Variants in DAB1 observed in about 807,000 individuals in gnomAD.
DAB1 encodes disabled homolog 1.
In DAB1, 15 loss-of-function variants were observed where a neutral mutation model predicts 64.6. The ratio of observed to expected loss-of-function variants is 0.23; its 90% CI spans 0.16 to 0.36. The LOEUF is 0.36. DAB1 is among the 10% of genes least tolerant of loss of function. DAB1 has a pLI of 1.00. For missense variants in DAB1, 596 were observed against 706.7 expected, an observed-to-expected ratio of 0.84 and a Z score of 1.78; for synonymous variants, 235 against 251.9, an observed-to-expected ratio of 0.93 and a Z score of 0.64.
chr1:58,185,723 G>A (rs1226444011), intron 4 of DAB1, among the ~76,000 whole-genome samples: 2 of 152,136 alleles, frequency 1.3e-5, no homozygotes, highest in African/African-American at 4.8e-5. Context: ...TGTCACCTAT[G>A]CCTAGATAGG....
chr1:57,656,644 T>G (rs894954420), intron 6 of DAB1, among the ~76,000 whole-genome samples: 2 of 152,216 alleles, frequency 1.3e-5, no homozygotes, highest in African/African-American at 4.8e-5. Context: ...AAGCTGTTCA[T>G]AGGTACTACA....
At chr1:58,457,808 C>G (rs1299233085) in intron 3 of DAB1, among the ~76,000 whole-genome samples, 1 of 152,132 alleles carries the variant, frequency 6.6e-6, no homozygotes, top group East Asian at 1.9e-4. Context: ...CTGTCCAATT[C>G]CTGGTGCTCA....
intron 5 of DAB1, among the ~76,000 whole-genome samples, chr1:58,118,691 C>T (rs1363732895): frequency 2.1e-5 from 3 of 146,114 alleles, no homozygotes; most frequent in Non-Finnish European, 3.0e-5. Flanking sequence ...TATATATATC[C>T]TCATAAACTC....
intron 6 of DAB1, among the ~76,000 whole-genome samples, chr1:57,725,394 T>C (rs910053950): frequency 1.3e-5 from 2 of 152,198 alleles, no homozygotes; most frequent in East Asian, 1.9e-4. Flanking sequence ...TGATGGTGTA[T>C]ACTCTGCTCA....
intron 1 of DAB1, among the ~76,000 whole-genome samples, chr1:57,299,857 T>A (rs947867690): frequency 1.3e-5 from 2 of 152,192 alleles, no homozygotes. Flanking sequence ...AATTTCTTCA[T>A]CTGTAAAATG....
chr1:57,944,147 C>T (rs1645146600), intron 5 of DAB1, among the ~76,000 whole-genome samples: 1 of 152,154 alleles, frequency 6.6e-6, no homozygotes, highest in African/African-American at 2.4e-5. Flanking sequence ...CTGGCTCCAC[C>T]AGTCTCACAT....
chr1:58,129,055 T>C (rs1653336941), intron 5 of DAB1, among the ~76,000 whole-genome samples: 1 of 144,320 alleles, frequency 6.9e-6, no homozygotes, highest in Non-Finnish European at 1.5e-5. Flanking sequence ...CTTGTACCTC[T>C]GGTAGAATTC....
At chr1:57,222,197 GAACCCAAGGGCAT>G (rs1211823922) in intron 2 of DAB1, among the ~76,000 whole-genome samples, 1 of 152,100 alleles carries the variant, frequency 6.6e-6, no homozygotes, top group Non-Finnish European at 1.5e-5. Context: ...AGCTACAATG[GAACCCAAGGGCAT>G]AGTCTGTCCT....
intron 7 of DAB1, among the ~76,000 whole-genome samples, chr1:57,445,158 A>G (rs1031689039): frequency 5.3e-5 from 8 of 152,160 alleles, no homozygotes; most frequent in Admixed American, 5.2e-4. Flanking sequence ...TCTTATACTG[A>G]AAATTATTTA....
rs112526692 is a variant in DAB1, at chr1:57,400,229, G to A, written c.-137+23701C>T. Among the ~76,000 whole-genome samples, 1,080 of 152,152 alleles carry A rather than the reference G, an allele frequency of 7.1e-3. 9 individuals carry two copies. Among genetic ancestry groups the A allele is most frequent in the Non-Finnish European group, 0.011 (752 of 68,004 alleles). ...CAAGTCCATGCAAGAAACATACAGC[G>A]CATTCATATTGCAGCATTGATTTTT... On this transcript the variant is annotated intron_variant, in intron 1 of 14. Coordinates refer to ENST00000371236, the MANE Select transcript of DAB1 (RefSeq NM_001365792.1).
At chr1:57,343,101 T>C (rs1266895086) in intron 1 of DAB1, among the ~76,000 whole-genome samples, 2 of 152,024 alleles carry the variant, frequency 1.3e-5, no homozygotes, top group Non-Finnish European at 2.9e-5. Flanking sequence ...GGGCGCTGAT[T>C]GGTGCATTTA....
At chr1:57,878,130 T>G (rs1644083076) in intron 1 of DAB1, among the ~76,000 whole-genome samples, 1 of 149,100 alleles carries the variant, frequency 6.7e-6, no homozygotes, top group South Asian at 2.1e-4. Flanking sequence ...ACATGAAAAA[T>G]TCTTTAGAAA....
intron 3 of DAB1, among the ~76,000 whole-genome samples, chr1:58,392,409 T>G (rs1305533489): frequency 6.6e-6 from 1 of 152,176 alleles, no homozygotes; most frequent in Non-Finnish European, 1.5e-5. Context: ...TGACGTAGTA[T>G]AAAGCCACCA....
chr1:58,245,899 G>A (rs1053373134), intron 4 of DAB1, among the ~76,000 whole-genome samples: 3 of 152,100 alleles, frequency 2.0e-5, no homozygotes, highest in Non-Finnish European at 4.4e-5. Context: ...TGCACATACA[G>A]TATCGTATAA....
chr1:58,385,766 GCTTCTCAGTCCTGAAC>G (rs1557746040), intron 3 of DAB1, among the ~76,000 whole-genome samples: 1 of 152,198 alleles, frequency 6.6e-6, no homozygotes, highest in Non-Finnish European at 1.5e-5. Flanking sequence ...AGACCCTTCT[GCTTCTCAGTCCTGAAC>G]CAATTGAAAA....
chr1:57,251,052 A>T (rs1669299167), intron 2 of DAB1, among the ~76,000 whole-genome samples: 1 of 152,210 alleles, frequency 6.6e-6, no homozygotes, highest in South Asian at 2.1e-4. Context: ...GAAAGAACAA[A>T]ATGTGGTATT....
chr1:57,691,654 A>G (rs1376531283), intron 6 of DAB1, among the ~76,000 whole-genome samples: 1 of 152,034 alleles, frequency 6.6e-6, no homozygotes, highest in Non-Finnish European at 1.5e-5. Context: ...GGACACATCT[A>G]AAGGAACAAA....
At chr1:57,609,038 C>A (rs1645693734) in intron 7 of DAB1, among the ~76,000 whole-genome samples, 1 of 152,194 alleles carries the variant, frequency 6.6e-6, no homozygotes, top group Non-Finnish European at 1.5e-5. Flanking sequence ...GTGCCTTACA[C>A]TCCCCAGTTT....
At chr1:57,212,909 G>A (rs1162000098) in intron 2 of DAB1, among the ~76,000 whole-genome samples, 1 of 152,170 alleles carries the variant, frequency 6.6e-6, no homozygotes, top group African/African-American at 2.4e-5. Flanking sequence ...TGAGCTGTAA[G>A]GTACAGAAAA....
Sources: gnomAD v4.1 joint callset for allele counts (sites outside exome capture counted in the v4.1 genomes callset) on GRCh38, gnomAD v4.1.1 for gene constraint, MANE v1.5 for transcripts, NCBI Gene and HGNC (gene_info 2026-07-23, HGNC 2026-07-21) for gene names.